Variants in PKD2 observed in about 807,000 individuals in gnomAD.
PKD2 encodes the protein polycystin-2.
In PKD2, 48 loss-of-function variants were observed where a neutral mutation model predicts 105.9. The observed-to-expected ratio is 0.45, with a 90% CI of 0.36 to 0.58. PKD2 has a LOEUF of 0.58. Ranked by LOEUF, PKD2 falls within the 20% of genes least tolerant of loss-of-function variation. The pLI, the probability that PKD2 is intolerant of heterozygous loss-of-function variation, is 0.00. For missense variants in PKD2, 1,078 were observed against 1,255.3 expected, an observed-to-expected ratio of 0.86 and a Z score of 2.13; for synonymous variants, 464 against 481.1, an observed-to-expected ratio of 0.96 and a Z score of 0.46.
intron 2 of PKD2, among the ~76,000 whole-genome samples, chr4:88,024,919 G>T (rs1460623466): frequency 6.6e-6 from 1 of 152,102 alleles, no homozygotes. Context: ...TGGATCACGA[G>T]GTCAGGAGTT....
intron 7 of PKD2, among the ~76,000 whole-genome samples, chr4:88,052,512 C>T (rs899459840): frequency 1.8e-4 from 28 of 152,138 alleles, no homozygotes; most frequent in African/African-American, 6.0e-4. Context: ...TCAAGCAATC[C>T]TCCCACCTCA....
Position 88,036,255 on chromosome 4 carries a change from T to C in PKD2, c.745T>C (p.Tyr249His). The C allele has an allele frequency of 6.2e-7, 1 of 1,613,868 alleles. No homozygotes were observed. Residue 249 changes from tyrosine (Y) to histidine (H), a missense_variant, in exon 3 of 15, where the codon TAC becomes CAC. Physicochemically the swap from Tyr to His is moderately conservative, Grantham distance 83. Transcript: ENST00000237596. The part of the protein sequence containing the change: ...YGMMSSNVYY[Y>H]TRMMSQLFLD... ...CATGATGAGCTCCAATGTGTACTAC[T>C]ACACCCGGATGATGTCACAGCTCTT...
intron 4 of PKD2, among the ~76,000 whole-genome samples, chr4:88,038,948 A>G (rs952773988): frequency 1.3e-5 from 2 of 152,140 alleles, no homozygotes; most frequent in African/African-American, 4.8e-5. Flanking sequence ...ATTTTTTGTT[A>G]GGTTTAAAGC....
Position 88,043,278 on chromosome 4 carries a change from G to T in PKD2, c.1140G>T (p.Trp380Cys). 6.2e-7 allele frequency: 1 copy of T among 1,613,512 alleles called. No homozygotes were observed. ...AAGACTTGAATGGTAGTAGCCACTG[G>T]GGAATCATTGCAACTTATAGTGGAG... Reference protein sequence around the residue: ...SEKDLNGSSHWGIIATYSGAG... With the variant: ...SEKDLNGSSHCGIIATYSGAG... The change falls in exon 5 of 15, where the codon TGG (tryptophan) becomes TGT (cysteine). Residue 380 changes from tryptophan (W) to cysteine (C), a missense_variant. By Grantham distance (215) the Trp-to-Cys change is radical. Around this residue, in one of 2 missense-constraint regions of PKD2, gnomAD observed 868 missense variants for 1,067.3 expected, o/e 0.81. Coordinates refer to ENST00000237596, the MANE Select transcript of PKD2 (RefSeq NM_000297.4).
At chr4:88,067,208 G>C (rs1321077253) in intron 12 of PKD2, among the ~76,000 whole-genome samples, 1 of 152,122 alleles carries the variant, frequency 6.6e-6, no homozygotes, top group Non-Finnish European at 1.5e-5. Flanking sequence ...GGAGCAGTTT[G>C]GATTTTGGGT....
chr4:88,065,943 A>G (rs947899891), intron 12 of PKD2, 64 bp downstream of exon 12: 2 of 893,002 alleles, frequency 2.2e-6, no homozygotes, highest in African/African-American at 3.3e-5. Flanking sequence ...TGTATCAAAC[A>G]CTATAGAAGT....
chr4:88,074,556 G>A (rs1437414113), intron 13 of PKD2, among the ~76,000 whole-genome samples: 2 of 152,106 alleles, frequency 1.3e-5, no homozygotes, highest in Non-Finnish European at 2.9e-5. Flanking sequence ...TTCTAAAAAT[G>A]GAATGTCTAA....
intron 10 of PKD2, among the ~76,000 whole-genome samples, chr4:88,062,826 G>A (rs1414783868): frequency 6.6e-6 from 1 of 152,024 alleles, no homozygotes; most frequent in Non-Finnish European, 1.5e-5. Context: ...CCTTGGGATG[G>A]GACCTAAGAT....
chr4:88,019,566 G>A lies in PKD2; in HGVS notation c.704G>A (p.Cys235Tyr). Residue 235 changes from cysteine (C) to tyrosine (Y), a missense_variant, in exon 2 of 15, where the codon TGC becomes TAC. Cys to Tyr is a radical substitution (Grantham distance 194). Coordinates refer to ENST00000237596, the MANE Select transcript of PKD2 (RefSeq NM_000297.4). The part of the protein sequence containing the change: ...VTYLLFLIVL[C>Y]ILTYGMMSSN... ...TACCTCCTTTTTCTCATAGTCTTGT[G>A]CATCTGTAAGTAGAATATTTCCTTG... is the stretch of plus-strand genomic sequence containing the variant. 6.9e-7 allele frequency: 1 copy of A among 1,457,066 alleles called. No homozygotes were observed. Among genetic ancestry groups the A allele is most frequent in the Non-Finnish European group, 9.6e-7 (1 of 1,036,582 alleles). The allele number at this position is 1,457,066 out of a possible 1,614,324, so 90.3% of individuals were successfully genotyped here.
chr4:88,009,715 G>C (rs1726322296), intron 1 of PKD2, among the ~76,000 whole-genome samples: 2 of 152,150 alleles, frequency 1.3e-5, no homozygotes, highest in African/African-American at 4.8e-5. Context: ...TAACCTGTGT[G>C]AGTAAATTAA....
intron 10 of PKD2, among the ~76,000 whole-genome samples, chr4:88,062,816 C>T (rs967056939): frequency 6.6e-6 from 1 of 152,026 alleles, no homozygotes; most frequent in Non-Finnish European, 1.5e-5. Context: ...AAAACAAAGT[C>T]CTTGGGATGG....
chr4:88,056,314 C>A, intron 8 of PKD2, 47 bp downstream of exon 8: 1 of 1,168,064 alleles, frequency 8.6e-7, no homozygotes. Context: ...AGAGTTGTCA[C>A]TGCTTCTCAA....
intron 13 of PKD2, among the ~76,000 whole-genome samples, chr4:88,069,186 G>A (rs1292245506): frequency 1.3e-5 from 2 of 151,880 alleles, no homozygotes; most frequent in Non-Finnish European, 2.9e-5. Context: ...ATATCTTTCA[G>A]TCTGAAGTAT....
rs1355372474 is a variant in PKD2, at chr4:88,007,914, C to T, written c.181C>T (p.Gln61Ter). 1 of 1,433,738 alleles carries T rather than the reference C, an allele frequency of 7.0e-7. No individual in the cohort carries two copies. The highest frequency in any genetic ancestry group is 3.0e-5 in the East Asian group (1 of 33,060). The allele number at this position is 1,433,738 out of a possible 1,614,324, so 88.8% of individuals were successfully genotyped here. Reference sequence around the variant, plus strand: ...GGAGATCGAGATGCAGCGCATCCGGCAGGCGGCCGCGCGGGACCCCCCGGC... The same window carrying T: ...GGAGATCGAGATGCAGCGCATCCGGTAGGCGGCCGCGCGGGACCCCCCGGC... ...GLEIEMQRIR[Q>*]AAARDPPAGA... Residue 61 changes from glutamine to a stop codon, truncating the protein, a stop_gained, in exon 1 of 15, where the codon CAG becomes TAG. Coordinates refer to ENST00000237596, the MANE Select transcript of PKD2 (RefSeq NM_000297.4). LOFTEE classifies it high-confidence loss of function.
chr4:88,019,177 C>T lies in PKD2; in HGVS notation c.596-281C>T, dbSNP rs858. ...TTCCTGTTCTCTTTTTAAAATTTGA[C>T]TAAGATATTGCTAATGGGCTTGGGA... is the stretch of plus-strand genomic sequence containing the variant. On this transcript the variant is annotated intron_variant, in intron 1 of 14. Coordinates refer to ENST00000237596, the MANE Select transcript of PKD2 (RefSeq NM_000297.4). Among the ~76,000 whole-genome samples, 2,809 of 152,112 alleles carry T rather than the reference C, an allele frequency of 0.018. 35 individuals carry two copies. The highest frequency in any genetic ancestry group is 0.027 in the Middle Eastern group (8 of 294).
At chr4:88,063,146 T>C (rs1720642832) in intron 10 of PKD2, among the ~76,000 whole-genome samples, 1 of 152,218 alleles carries the variant, frequency 6.6e-6, no homozygotes, top group African/African-American at 2.4e-5. Context: ...CTGTTACTAA[T>C]TGGTCACTGA....
intron 5 of PKD2, among the ~76,000 whole-genome samples, chr4:88,044,905 G>A (rs911110998): frequency 6.6e-6 from 1 of 151,902 alleles, no homozygotes; most frequent in African/African-American, 2.4e-5. Flanking sequence ...AAGAAAGAAA[G>A]AAAAGAAATA....
intron 9 of PKD2, among the ~76,000 whole-genome samples, chr4:88,058,508 C>T (rs537320617): frequency 7.2e-5 from 11 of 152,240 alleles, no homozygotes; most frequent in East Asian, 1.9e-4. Context: ...TCAGCACTTT[C>T]GTAGTCACTT....
intron 7 of PKD2, 168 bp from the exon 8 acceptor site, chr4:88,055,918 T>C: frequency 1.6e-6 from 1 of 635,302 alleles, no homozygotes; most frequent in South Asian, 1.9e-5. Context: ...ATACAGTATT[T>C]GTCCTTTTGT....
Sources: allele counts gnomAD v4.1 joint callset (sites outside exome capture counted in the v4.1 genomes callset), GRCh38; gene constraint gnomAD v4.1.1; regional missense constraint gnomAD v4.1.1; transcripts MANE v1.5; gene names NCBI Gene and HGNC (gene_info 2026-07-23, HGNC 2026-07-21).